FRMD5: variants seen among roughly 807,000 people sequenced by gnomAD.
FRMD5 encodes FERM domain containing 5.
In FRMD5, 20 loss-of-function variants were observed where a neutral mutation model predicts 69.0. The observed-to-expected ratio is 0.29, with a 90% CI of 0.20 to 0.42. The LOEUF is 0.42. Ranked by LOEUF, FRMD5 falls within the 10% of genes least tolerant of loss-of-function variation. The pLI, the probability that FRMD5 is intolerant of heterozygous loss-of-function variation, is 1.00. For synonymous variants in FRMD5, 271 were observed against 260.1 expected (o/e 1.04, Z -0.40); for missense variants, 595 against 708.6 (o/e 0.84, Z 1.82).
rs370729056 is a variant in FRMD5, at chr15:44,174,956, C to T, written c.102+19997G>A. On this transcript the variant is annotated intron_variant, in intron 1 of 13. Transcript: ENST00000417257. ...CATTAGAACAAATAACTAATGCATGCGGGGCTTAAAACCTAGATGACAGGT... is the reference window on the plus strand; with the variant it reads ...CATTAGAACAAATAACTAATGCATGTGGGGCTTAAAACCTAGATGACAGGT... Among the ~76,000 whole-genome samples the T allele has an allele frequency of 2.6e-4, 39 of 152,086 alleles. 1 individual carries two copies. Among genetic ancestry groups the T allele is most frequent in the African/African-American group, 9.2e-4 (38 of 41,462 alleles).
At chr15:44,145,510 G>C (rs1270575642) in intron 1 of FRMD5, among the ~76,000 whole-genome samples, 1 of 152,108 alleles carries the variant, frequency 6.6e-6, no homozygotes, top group Admixed American at 6.5e-5. Context: ...CTAAACTAAG[G>C]TTTGACAGGA....
intron 1 of FRMD5, among the ~76,000 whole-genome samples, chr15:43,965,380 T>A (rs2090276664): frequency 6.6e-6 from 1 of 152,074 alleles, no homozygotes; most frequent in East Asian, 1.9e-4. Flanking sequence ...GCAAAGCAAG[T>A]CTTATTACTG....
chr15:44,166,783 C>CAAAAAAAAA (rs1006711939), intron 1 of FRMD5, among the ~76,000 whole-genome samples: 6 of 52,976 alleles, frequency 1.1e-4, no homozygotes, highest in Admixed American at 4.1e-4. Context: ...GACCCTATCT[C>CAAAAAAAAA]AAAAAAAAAA....
At chr15:44,054,465 T>C (rs1399531326) in intron 1 of FRMD5, among the ~76,000 whole-genome samples, 4 of 152,222 alleles carry the variant, frequency 2.6e-5, no homozygotes, top group African/African-American at 9.6e-5. Flanking sequence ...ATCTTGATTA[T>C]AGAAACTGAT....
At chr15:44,095,621 C>T (rs981103904) in intron 1 of FRMD5, among the ~76,000 whole-genome samples, 3 of 152,188 alleles carry the variant, frequency 2.0e-5, no homozygotes, top group African/African-American at 7.2e-5. Context: ...GCTGCTTCTT[C>T]TTTCTTGCAT....
At chr15:44,022,924 C>T (rs909403557) in intron 1 of FRMD5, among the ~76,000 whole-genome samples, 1 of 152,066 alleles carries the variant, frequency 6.6e-6, no homozygotes, top group Non-Finnish European at 1.5e-5. Flanking sequence ...GCATTTGTTA[C>T]AGAATGGCTT....
intron 1 of FRMD5, among the ~76,000 whole-genome samples, chr15:43,962,427 C>CGAA (rs1275488542): frequency 6.6e-6 from 1 of 152,178 alleles, no homozygotes; most frequent in Non-Finnish European, 1.5e-5. Context: ...AATGGAAGAA[C>CGAA]ATTCCATGCT....
chr15:44,163,237 T>G (rs964214867), intron 1 of FRMD5, among the ~76,000 whole-genome samples: 1 of 152,232 alleles, frequency 6.6e-6, no homozygotes, highest in African/African-American at 2.4e-5. Context: ...TCTTATATTA[T>G]GTTTGACTCT....
At chr15:44,145,744 G>A (rs2077345846) in intron 1 of FRMD5, among the ~76,000 whole-genome samples, 1 of 152,058 alleles carries the variant, frequency 6.6e-6, no homozygotes, top group Non-Finnish European at 1.5e-5. Context: ...AGGAACACAT[G>A]GCTACCAAGG....
chr15:44,197,255 A>G (rs1172507684), upstream of FRMD5, among the ~76,000 whole-genome samples: 1 of 152,124 alleles, frequency 6.6e-6, no homozygotes, highest in African/African-American at 2.4e-5. Flanking sequence ...GTTCTACAGC[A>G]CTTAAATCCC....
chr15:43,894,909 T>C (rs910198408), intron 7 of FRMD5, among the ~76,000 whole-genome samples: 3 of 152,146 alleles, frequency 2.0e-5, no homozygotes, highest in African/African-American at 4.8e-5. Context: ...ACCTACCTCA[T>C]AGGTTATGTT....
At chr15:44,063,218 G>C (rs538790399) in intron 1 of FRMD5, among the ~76,000 whole-genome samples, 1 of 152,172 alleles carries the variant, frequency 6.6e-6, no homozygotes, top group African/African-American at 2.4e-5. Flanking sequence ...TTTTGGTTTT[G>C]AGATTTTAAA....
intron 5 of FRMD5, among the ~76,000 whole-genome samples, chr15:43,908,311 G>C: frequency 7.5e-6 from 1 of 133,750 alleles, no homozygotes; most frequent in Admixed American, 8.2e-5. Context: ...CTAGGGGACA[G>C]AGCCAGATCC....
chr15:43,983,194 G>C lies in FRMD5; in HGVS notation c.103-58885C>G, dbSNP rs563764995. Among the ~76,000 whole-genome samples the C allele has an allele frequency of 3.3e-4, 51 of 152,270 alleles. No homozygotes were observed. The South Asian group carries it at 9.1e-3, about 27-fold the overall frequency. ...GATCCACCAGCCTCAGCCTCCCAAA[G>C]TGTTGGGATTACAGGTGTCAGCCAC... On this transcript the variant is annotated intron_variant, in intron 1 of 13. Coordinates refer to ENST00000417257, the MANE Select transcript of FRMD5 (RefSeq NM_032892.5).
chr15:44,071,556 C>G (rs1185606652), intron 1 of FRMD5, among the ~76,000 whole-genome samples: 3 of 152,238 alleles, frequency 2.0e-5, no homozygotes, highest in African/African-American at 7.2e-5. Context: ...TAACATTTTA[C>G]CACCTTGCTT....
chr15:43,976,891 C>T (rs554639597), intron 1 of FRMD5, among the ~76,000 whole-genome samples: 16 of 151,084 alleles, frequency 1.1e-4, no homozygotes, highest in Non-Finnish European at 1.6e-4. Flanking sequence ...AGTGCAGTAG[C>T]GTGATTTCAG....
chr15:44,085,743 C>G (rs1894171370), intron 1 of FRMD5, among the ~76,000 whole-genome samples: 1 of 152,068 alleles, frequency 6.6e-6, no homozygotes, highest in African/African-American at 2.4e-5. Flanking sequence ...GTAACCAAAC[C>G]TGAGGAAGAG....
At chr15:43,945,694 T>A (rs1012113696) in intron 1 of FRMD5, among the ~76,000 whole-genome samples, 8 of 152,118 alleles carry the variant, frequency 5.3e-5, no homozygotes, top group African/African-American at 1.9e-4. Flanking sequence ...TTGTGAAGAT[T>A]TCTTAGGCAT....
chr15:44,014,865 G>A (rs1479675751), intron 1 of FRMD5, among the ~76,000 whole-genome samples: 1 of 152,210 alleles, frequency 6.6e-6, no homozygotes, highest in African/African-American at 2.4e-5. Flanking sequence ...CATCAGGCAT[G>A]TGTAAGTTGC....
Sources: gnomAD v4.1 joint callset for allele counts (sites outside exome capture counted in the v4.1 genomes callset) on GRCh38, gnomAD v4.1.1 for gene constraint, MANE v1.5 for transcripts, NCBI Gene and HGNC (gene_info 2026-07-23, HGNC 2026-07-21) for gene names.